Variants in TFPT observed in about 807,000 individuals in gnomAD.
TFPT encodes INO80 complex subunit F.
A neutral mutation model predicts 28.8 loss-of-function variants in TFPT; 27 were observed. The observed-to-expected ratio is 0.94, with a 90% confidence interval of 0.69 to 1.29. The LOEUF is 1.29. Ranked by LOEUF, TFPT falls within the 50% of genes most tolerant of loss-of-function variation. The pLI is 0.00. For missense variants in TFPT, 330 were observed against 338.0 expected, an observed-to-expected ratio of 0.98 and a Z score of 0.19; for synonymous variants, 152 against 142.8, an observed-to-expected ratio of 1.06 and a Z score of -0.46.
rs900885436 is a variant in TFPT, at chr19:54,114,385, G to A, written c.282+57C>T. 5.2e-5 allele frequency: 81 copies of A among 1,562,210 alleles called. No homozygotes were observed. The African/African-American group carries it at 9.6e-4, about 19-fold the overall frequency. ...GGGCATGTGGAAAGGCAGAGATTGC[G>A]GGGGGCGGTAGTTTAGGCCAGGGGA... On this transcript the variant is annotated intron_variant, in intron 2 of 5. Coordinates refer to ENST00000391759, the MANE Select transcript of TFPT (RefSeq NM_013342.4).
chr19:54,110,661 C>T (rs897713585), intron 2 of TFPT, among the ~76,000 whole-genome samples: 1 of 151,962 alleles, frequency 6.6e-6, no homozygotes, highest in South Asian at 2.1e-4. Context: ...GAGATCACCC[C>T]ACTGCACTCC....
intron 5 of TFPT, 138 bp downstream of exon 5, chr19:54,107,888 G>A (rs2073317675): frequency 1.2e-6 from 1 of 829,736 alleles, no homozygotes. Flanking sequence ...GCCCCTCGGG[G>A]TGCAGAACCA....
chr19:54,107,267 G>A (rs1032789843), intron 5 of TFPT, 98 bp from the exon 6 acceptor site: 15 of 1,515,062 alleles, frequency 9.9e-6, no homozygotes, highest in Admixed American at 7.7e-5. Context: ...GCTTTTTAAA[G>A]AGACAGGGTC....
At chr19:54,108,292 C>A (rs1197298264) in intron 4 of TFPT, 34 bp downstream of exon 4, 1 of 1,580,540 alleles carries the variant, frequency 6.3e-7, no homozygotes, top group South Asian at 1.1e-5. Context: ...CCTGAGCTCC[C>A]AGTTCCTGAC....
At position 54,108,381 on chromosome 19, in the gene TFPT, A is replaced by T; in HGVS notation, c.368T>A (p.Val123Glu). The change falls in exon 4 of 6, where the codon GTG (valine) becomes GAG (glutamate). Residue 123 changes from valine to glutamate, a missense_variant. By Grantham distance (121) the Val-to-Glu change is moderately radical. Transcript: ENST00000391759. ...LQQERRFLMR[V>E]LDSYGDDYRA... The stretch of plus-strand genomic sequence containing the variant: ...GTAGTCATCCCCGTAGGAGTCCAGC[A>T]CTCTCATGAGGAACCTGCTCAGGGG... 1 of 1,613,388 alleles carries T rather than the reference A, an allele frequency of 6.2e-7. No homozygotes were observed. Among genetic ancestry groups the T allele is most frequent in the Non-Finnish European group, 8.5e-7 (1 of 1,179,700 alleles).
chr19:54,107,289 C>T (rs1212240889), intron 5 of TFPT, 120 bp from the exon 6 acceptor site: 2 of 1,402,130 alleles, frequency 1.4e-6, no homozygotes, highest in Non-Finnish European at 1.9e-6. Context: ...CACTCTGTTG[C>T]CCAGGCTGGA....
Position 54,115,308 on chromosome 19 carries a change from G to A in TFPT, c.-39C>T. The A allele has an allele frequency of 1.2e-6, 2 of 1,613,662 alleles. No homozygotes were observed. Among genetic ancestry groups the A allele is most frequent in the Non-Finnish European group, 1.7e-6 (2 of 1,180,000 alleles). On this transcript the variant is annotated 5_prime_UTR_variant, in exon 1 of 6. Coordinates refer to ENST00000391759, the MANE Select transcript of TFPT (RefSeq NM_013342.4). ...GGAAGCCCCGGGCCTCAGAGCTTCC[G>A]ACCTCTTCAATCTGTAGGTTAAGCC...
chr19:54,108,459 C>T (rs764915052), intron 3 of TFPT, 64 bp from the exon 4 acceptor site: 21 of 1,613,816 alleles, frequency 1.3e-5, no homozygotes, highest in Non-Finnish European at 1.6e-5. Context: ...AAAAGGGCCA[C>T]AGGATAGAGC....
chr19:54,114,923 G>A (rs1378915645), intron 1 of TFPT: 14 of 704,526 alleles, frequency 2.0e-5, no homozygotes, highest in Non-Finnish European at 2.7e-5. Context: ...CAGGGTTCAA[G>A]CCCTGACCCC....
At chr19:54,112,241 A>G (rs971383576) in intron 2 of TFPT, among the ~76,000 whole-genome samples, 9 of 117,504 alleles carry the variant, frequency 7.7e-5, no homozygotes, top group Non-Finnish European at 1.1e-4. Flanking sequence ...GCAACAGAGA[A>G]AGACCCTGTC....
At chr19:54,107,298 G>T in intron 5 of TFPT, 129 bp from the exon 6 acceptor site, 1 of 1,262,606 alleles carries the variant, frequency 7.9e-7, no homozygotes, top group Non-Finnish European at 1.1e-6. Flanking sequence ...GCCCAGGCTG[G>T]AGTGCAGTGG....
chr19:54,107,686 A>C, intron 5 of TFPT: 37 of 306,330 alleles, frequency 1.2e-4, no homozygotes, highest in East Asian at 1.7e-4. Flanking sequence ...GTCTTCTCTG[A>C]TCCTTCCTTC....
At chr19:54,115,196 C>G in intron 1 of TFPT, 51 bp downstream of exon 1, 1 of 1,613,778 alleles carries the variant, frequency 6.2e-7, no homozygotes, top group Non-Finnish European at 8.5e-7. Flanking sequence ...CACAATGCAG[C>G]TGCACTGTTT....
chr19:54,110,249 C>A (rs1250340237), intron 2 of TFPT, 128 bp from the exon 3 acceptor site: 7 of 930,114 alleles, frequency 7.5e-6, no homozygotes, highest in Non-Finnish European at 1.2e-5. Flanking sequence ...TGAGGTCCTT[C>A]CACCTTCCCA....
chr19:54,114,168 C>CT (rs1393095582), intron 2 of TFPT, among the ~76,000 whole-genome samples: 1 of 152,186 alleles, frequency 6.6e-6, no homozygotes, highest in East Asian at 1.9e-4. Flanking sequence ...AGAGCTTGGG[C>CT]TTTCACCTGT....
intron 3 of TFPT, chr19:54,108,722 CAT>C: frequency 1.1e-6 from 1 of 923,210 alleles, no homozygotes; most frequent in Non-Finnish European, 1.6e-6. Context: ...AGTAAACATT[CAT>C]ATGTGAGTTA....
chr19:54,108,868 G>C (rs587635377), intron 3 of TFPT: 1 of 377,202 alleles, frequency 2.7e-6, no homozygotes, highest in East Asian at 5.5e-5. Flanking sequence ...TTGATGGAAT[G>C]CCTCCTCTGC....
chr19:54,115,311 C>T lies in TFPT; in HGVS notation c.-42G>A, dbSNP rs765834426. The T allele has an allele frequency of 1.9e-6, 3 of 1,613,726 alleles. No homozygotes were observed. Among genetic ancestry groups the T allele is most frequent in the South Asian group, 1.1e-5 (1 of 91,088 alleles). On this transcript the variant is annotated 5_prime_UTR_variant, in exon 1 of 6. Coordinates refer to ENST00000391759, the MANE Select transcript of TFPT (RefSeq NM_013342.4). ...AGCCCCGGGCCTCAGAGCTTCCGAC[C>T]TCTTCAATCTGTAGGTTAAGCCGTT...
chr19:54,108,616 C>G, intron 3 of TFPT: 1 of 1,519,206 alleles, frequency 6.6e-7, no homozygotes, highest in South Asian at 1.3e-5. Flanking sequence ...GTTTCCTGCT[C>G]TGCAAACGAC....
Sources: allele counts gnomAD v4.1 joint callset (sites outside exome capture counted in the v4.1 genomes callset), GRCh38; gene constraint gnomAD v4.1.1; transcripts MANE v1.5; gene names NCBI Gene and HGNC (gene_info 2026-07-23, HGNC 2026-07-21).